The following DNAH8 variants were observed in gnomAD, a reference collection of about 807,000 sequenced individuals.
The protein encoded by DNAH8 is dynein axonemal heavy chain 8.
A neutral mutation model predicts 562.1 loss-of-function variants in DNAH8; 382 were observed. The observed-to-expected ratio is 0.68, with a 90% CI of 0.63 to 0.74. DNAH8 has a LOEUF of 0.74. Ranked by LOEUF, DNAH8 falls within the 30% of genes least tolerant of loss-of-function variation. The pLI is 0.00. For missense variants in DNAH8, 5,203 were observed against 5,620.4 expected, an observed-to-expected ratio of 0.93 and a Z score of 2.37; for synonymous variants, 1,881 against 1,919.4, an observed-to-expected ratio of 0.98 and a Z score of 0.52.
At chr6:38,796,650 C>G (rs1286167531) in intron 21 of DNAH8, among the ~76,000 whole-genome samples, 1 of 152,152 alleles carries the variant, frequency 6.6e-6, no homozygotes, top group Admixed American at 6.5e-5. Flanking sequence ...CTGTCCTGTT[C>G]TGTTTCGTTC....
Position 38,860,590 on chromosome 6 carries a change from G to C in DNAH8, c.6092G>C (p.Gly2031Ala), listed in dbSNP as rs1427810154. 3.2e-6 allele frequency: 5 copies of C among 1,543,432 alleles called. No homozygotes were observed. Among genetic ancestry groups the C allele is most frequent in the Non-Finnish European group, 4.3e-6 (5 of 1,155,312 alleles). Residue 2031 changes from glycine to alanine, a missense_variant, in exon 43 of 93, where the codon GGA (glycine) becomes GCA (alanine). Physicochemically the swap from Gly to Ala is moderately conservative, Grantham distance 60. Around this residue, in one of 6 missense-constraint regions of DNAH8, gnomAD observed 2,176 missense variants for 2,365.1 expected, o/e 0.92. Coordinates refer to ENST00000327475, the MANE Select transcript of DNAH8 (RefSeq NM_001206927.2). ...TTTATTTACCAAAATGAATTTCTGGGATGTACTGATCGTCTTGTTATCACT... is the reference window on the plus strand; with the variant it reads ...TTTATTTACCAAAATGAATTTCTGGCATGTACTGATCGTCTTGTTATCACT... ...VDFIYQNEFL[G>A]CTDRLVITPL...
At chr6:39,014,820 C>T (rs576053330) in intron 91 of DNAH8, among the ~76,000 whole-genome samples, 2 of 152,150 alleles carry the variant, frequency 1.3e-5, no homozygotes, top group East Asian at 1.9e-4. Flanking sequence ...AAAAATCTTC[C>T]GGGGCCTCAG....
chr6:38,822,708 T>C (rs1273127078), intron 26 of DNAH8, 130 bp from the exon 27 acceptor site: 7 of 676,234 alleles, frequency 1.0e-5, no homozygotes, highest in Non-Finnish European at 1.6e-5. Context: ...TTACTCAAAA[T>C]AGCTCTTAGT....
Position 38,783,103 on chromosome 6 carries a change from A to G in DNAH8, c.2359A>G (p.Thr787Ala). The G allele has an allele frequency of 6.2e-7, 1 of 1,614,052 alleles. No individual in the cohort carries two copies. The highest frequency in any genetic ancestry group is 8.5e-7 in the Non-Finnish European group (1 of 1,179,928). ...VLVEFEVVYH[T>A]AWIREISQLH... is the part of the protein sequence containing the mutation. The stretch of plus-strand genomic sequence containing the variant: ...GGTGGAATTCGAGGTGGTCTATCAC[A>G]CAGCCTGGATCAGAGAGATTTCACA... The change falls in exon 17 of 93, where the codon ACA (threonine) becomes GCA (alanine). Residue 787 changes from threonine (T) to alanine (A), a missense_variant. Transcript: ENST00000327475.
At chr6:39,013,479 A>C (rs557488827) in intron 91 of DNAH8, among the ~76,000 whole-genome samples, 225 of 152,340 alleles carry the variant, frequency 1.5e-3, no homozygotes, top group African/African-American at 5.1e-3. Context: ...CCATTTATAC[A>C]AAGAAGAAGA....
At chr6:38,879,375 C>T (rs1778280643) in intron 53 of DNAH8, among the ~76,000 whole-genome samples, 1 of 152,064 alleles carries the variant, frequency 6.6e-6, no homozygotes, top group African/African-American at 2.4e-5. Context: ...TATAACAAAT[C>T]CAATAGTATA....
intron 16 of DNAH8, 62 bp from the exon 17 acceptor site, chr6:38,782,942 T>C: frequency 6.9e-7 from 1 of 1,439,010 alleles, no homozygotes; most frequent in Non-Finnish European, 9.6e-7. Context: ...AGTACTTTCA[T>C]TATTTGGATA....
At chr6:38,981,450 C>T (rs1652918191) in intron 85 of DNAH8, among the ~76,000 whole-genome samples, 1 of 152,132 alleles carries the variant, frequency 6.6e-6, no homozygotes, top group African/African-American at 2.4e-5. Context: ...AACAGTTAGC[C>T]ACTATTGCAC....
intron 65 of DNAH8, 152 bp downstream of exon 65, chr6:38,909,896 G>A (rs1780755316): frequency 1.4e-6 from 1 of 714,362 alleles, no homozygotes; most frequent in East Asian, 2.7e-5. Flanking sequence ...TAGTGACTAT[G>A]TATGAAGAGA....
At chr6:38,895,354 T>G (rs1235838391) in intron 59 of DNAH8, among the ~76,000 whole-genome samples, 2 of 152,196 alleles carry the variant, frequency 1.3e-5, no homozygotes, top group African/African-American at 4.8e-5. Context: ...CTTAAAAAAA[T>G]GCTCTGCCGA....
At chr6:38,887,582 C>T (rs1054837337) in intron 57 of DNAH8, among the ~76,000 whole-genome samples, 1 of 152,126 alleles carries the variant, frequency 6.6e-6, no homozygotes, top group African/African-American at 2.4e-5. Flanking sequence ...TGGCACACGT[C>T]TGTAGTCCTA....
intron 91 of DNAH8, among the ~76,000 whole-genome samples, chr6:39,013,127 G>C (rs906634595): frequency 2.0e-5 from 3 of 152,174 alleles, no homozygotes; most frequent in African/African-American, 7.2e-5. Flanking sequence ...TTTCCTGAAA[G>C]AGTGCTTTAT....
At chr6:38,940,804 C>A (rs1783387046) in intron 79 of DNAH8, among the ~76,000 whole-genome samples, 1 of 152,094 alleles carries the variant, frequency 6.6e-6, no homozygotes, top group African/African-American at 2.4e-5. Flanking sequence ...GAAATTTGAG[C>A]TATCCAGAAA....
At position 39,030,425 on chromosome 6, in the gene DNAH8, C is replaced by A; in HGVS notation, c.*33C>A. On this transcript the variant is annotated 3_prime_UTR_variant, in exon 93 of 93. Coordinates refer to ENST00000327475, the MANE Select transcript of DNAH8 (RefSeq NM_001206927.2). ...TCCATCTGCTCAGGGCACCAGAACC[C>A]ACATAGACAGCCTGTGCTATTGAGG... The A allele has an allele frequency of 6.3e-7, 1 of 1,588,486 alleles. No homozygotes were observed.
intron 30 of DNAH8, among the ~76,000 whole-genome samples, chr6:38,830,795 G>A (rs1249950380): frequency 6.6e-6 from 1 of 152,064 alleles, no homozygotes; most frequent in Non-Finnish European, 1.5e-5. Flanking sequence ...ACAGCAAGGA[G>A]ACACAAAACT....
chr6:38,735,262 C>T (rs1382426803), intron 5 of DNAH8, among the ~76,000 whole-genome samples: 3 of 152,118 alleles, frequency 2.0e-5, no homozygotes, highest in African/African-American at 7.2e-5. Context: ...AATATTAGTT[C>T]TCTTTGTTAT....
intron 53 of DNAH8, among the ~76,000 whole-genome samples, chr6:38,882,492 TA>T (rs1293330157): frequency 6.6e-6 from 1 of 152,126 alleles, no homozygotes; most frequent in Non-Finnish European, 1.5e-5. Flanking sequence ...TTTTCAATTA[TA>T]AGTGGGAGCT....
chr6:38,888,502 C>A (rs1779116393), intron 57 of DNAH8, among the ~76,000 whole-genome samples: 1 of 152,078 alleles, frequency 6.6e-6, no homozygotes, highest in African/African-American at 2.4e-5. Context: ...ACAAAAATGT[C>A]ATATTCTGAA....
chr6:38,955,063 G>A (rs562049957), intron 82 of DNAH8, among the ~76,000 whole-genome samples: 16 of 152,218 alleles, frequency 1.1e-4, no homozygotes, highest in African/African-American at 3.6e-4. Context: ...GACCTCCCAG[G>A]CTCAAGTGAT....
Sources: allele counts gnomAD v4.1 joint callset (sites outside exome capture counted in the v4.1 genomes callset), GRCh38; gene constraint gnomAD v4.1.1; regional missense constraint gnomAD v4.1.1; transcripts MANE v1.5; gene names NCBI Gene and HGNC (gene_info 2026-07-23, HGNC 2026-07-21).